HERC1: variants seen among roughly 807,000 people sequenced by gnomAD.
HERC1 encodes the protein probable E3 ubiquitin-protein ligase HERC1.
Under a neutral mutation model 554.3 loss-of-function variants are expected in HERC1, and 160 were observed. That is an observed-to-expected ratio of 0.29 (90% CI 0.25 to 0.33). HERC1 has a LOEUF of 0.33. HERC1 is among the 10% of genes least tolerant of loss of function. The pLI is 1.00. For missense variants in HERC1, 4,919 were observed against 5,918.5 expected, an observed-to-expected ratio of 0.83 and a Z score of 5.54; for synonymous variants, 2,175 against 2,131.7, an observed-to-expected ratio of 1.02 and a Z score of -0.56.
At chr15:63,757,752 C>T (rs925604136) in intron 4 of HERC1, among the ~76,000 whole-genome samples, 1 of 152,132 alleles carries the variant, frequency 6.6e-6, no homozygotes, top group African/African-American at 2.4e-5. Context: ...CTCTGTCACC[C>T]AGGCTGGAAT....
intron 1 of HERC1, among the ~76,000 whole-genome samples, chr15:63,780,942 T>C (rs1012464663): frequency 6.6e-6 from 1 of 152,212 alleles, no homozygotes; most frequent in Non-Finnish European, 1.5e-5. Flanking sequence ...ATAAATCTAA[T>C]AAGTAAATCA....
intron 34 of HERC1, 25 bp downstream of exon 34, chr15:63,686,333 TA>T: frequency 1.3e-6 from 2 of 1,540,056 alleles, no homozygotes; most frequent in Non-Finnish European, 1.7e-6. Flanking sequence ...GACAAAATGC[TA>T]AAAACTATTA....
At chr15:63,767,183 A>G (rs2075808031) in intron 2 of HERC1, among the ~76,000 whole-genome samples, 1 of 150,932 alleles carries the variant, frequency 6.6e-6, no homozygotes, top group Non-Finnish European at 1.5e-5. Flanking sequence ...TTGTATTTTT[A>G]GTAGAGACAG....
chr15:63,693,536 G>A (rs752666760), intron 30 of HERC1, among the ~76,000 whole-genome samples: 1 of 152,148 alleles, frequency 6.6e-6, no homozygotes, highest in Non-Finnish European at 1.5e-5. Context: ...GAGCCACTGC[G>A]CCTGGCCTGG....
intron 69 of HERC1, among the ~76,000 whole-genome samples, chr15:63,629,440 G>A (rs1566953320): frequency 1.3e-5 from 2 of 152,122 alleles, no homozygotes; most frequent in Admixed American, 6.5e-5. Context: ...AATGATCTAT[G>A]GAGCTTTTAC....
intron 7 of HERC1, among the ~76,000 whole-genome samples, chr15:63,754,040 G>A (rs2075338241): frequency 1.3e-5 from 2 of 152,174 alleles, no homozygotes; most frequent in Non-Finnish European, 2.9e-5. Flanking sequence ...CAGGCATGGT[G>A]GTGCATGCCT....
intron 1 of HERC1, among the ~76,000 whole-genome samples, chr15:63,807,907 G>C (rs780850415): frequency 2.0e-5 from 3 of 148,854 alleles, no homozygotes; most frequent in East Asian, 3.9e-4. Flanking sequence ...AATTAAACCT[G>C]CTTGAACAAC....
Position 63,775,248 on chromosome 15 carries a change from T to C in HERC1, c.376A>G (p.Lys126Glu). The C allele has an allele frequency of 6.2e-7, 1 of 1,614,062 alleles. No homozygotes were observed. The highest frequency in any genetic ancestry group is 1.1e-5 in the South Asian group (1 of 91,080). Reference sequence around the variant, plus strand: ...GGAGAATGCTGCTGCTGCTTCACCTTGCCTTTGTCATGGTATTTATTAGAA... The same window carrying C: ...GGAGAATGCTGCTGCTGCTTCACCTCGCCTTTGTCATGGTATTTATTAGAA... ...ALSNKYHDKG[K>E]VKQQQHSPES... Residue 126 changes from lysine (K) to glutamate (E), a missense_variant, in exon 2 of 78, where the codon AAG (lysine) becomes GAG (glutamate). Lys to Glu is a moderately conservative substitution (Grantham distance 56). Coordinates refer to ENST00000443617, the MANE Select transcript of HERC1 (RefSeq NM_003922.4). This position sits in a 1 kb window ranked among gnomAD's most constrained non-coding sequence, Gnocchi z 4.0.
intron 1 of HERC1, among the ~76,000 whole-genome samples, chr15:63,810,935 G>T (rs1441153708): frequency 2.0e-5 from 3 of 152,098 alleles, no homozygotes; most frequent in African/African-American, 7.2e-5. Flanking sequence ...ACTTGAATAT[G>T]TGATATTAAA....
At chr15:63,665,072 G>T (rs887358792) in intron 42 of HERC1, among the ~76,000 whole-genome samples, 1 of 152,060 alleles carries the variant, frequency 6.6e-6, no homozygotes, top group African/African-American at 2.4e-5. Context: ...CATAAGAAGT[G>T]ATGAAGGAAA....
chr15:63,641,061 T>C (rs1456329638), intron 60 of HERC1, among the ~76,000 whole-genome samples: 1 of 152,190 alleles, frequency 6.6e-6, no homozygotes, highest in African/African-American at 2.4e-5. Context: ...CACAAAGATT[T>C]ATCTAATAAG....
chr15:63,676,130 G>T (rs892200399), intron 37 of HERC1, among the ~76,000 whole-genome samples: 2 of 152,082 alleles, frequency 1.3e-5, no homozygotes, highest in African/African-American at 4.8e-5. Flanking sequence ...TCAAACTCCT[G>T]ACCTCAGGTG....
At chr15:63,681,090 T>G (rs2071453171) in intron 34 of HERC1, among the ~76,000 whole-genome samples, 1 of 152,226 alleles carries the variant, frequency 6.6e-6, no homozygotes, top group Non-Finnish European at 1.5e-5. Context: ...AAAACTTTAA[T>G]TCTTTACATA....
intron 24 of HERC1, among the ~76,000 whole-genome samples, chr15:63,710,544 T>C (rs1299341578): frequency 6.6e-6 from 1 of 152,172 alleles, no homozygotes; most frequent in Admixed American, 6.5e-5. Flanking sequence ...AAAATTCCTG[T>C]CCTTAAAGAG....
chr15:63,714,419 G>A (rs888449170), intron 22 of HERC1, among the ~76,000 whole-genome samples: 2 of 152,104 alleles, frequency 1.3e-5, no homozygotes, highest in South Asian at 4.1e-4. Flanking sequence ...ATACCCATCT[G>A]ATGCCAGCCT....
intron 1 of HERC1, among the ~76,000 whole-genome samples, chr15:63,785,806 G>C (rs1037104626): frequency 6.6e-6 from 1 of 151,916 alleles, no homozygotes; most frequent in Non-Finnish European, 1.5e-5. Flanking sequence ...GGAAGGGGAA[G>C]GGAAGGGAAA....
chr15:63,643,099 T>C (rs766674939), intron 58 of HERC1, 41 bp from the exon 59 acceptor site: 37 of 1,187,200 alleles, frequency 3.1e-5, no homozygotes, highest in Non-Finnish European at 4.5e-5. Context: ...CATTGAACTG[T>C]AGGTATAATT....
chr15:63,657,773 G>A (rs1354647014), intron 48 of HERC1, among the ~76,000 whole-genome samples: 2 of 151,808 alleles, frequency 1.3e-5, no homozygotes, highest in Admixed American at 6.6e-5. Context: ...TTTATATTTA[G>A]ATCTAATAGC....
At chr15:63,774,587 T>A (rs894965119) in intron 2 of HERC1, 107 bp downstream of exon 2, 7 of 809,568 alleles carry the variant, frequency 8.6e-6, no homozygotes, top group Non-Finnish European at 1.4e-5. Flanking sequence ...AACTCAACAA[T>A]CACCAAAAGT....
Sources: allele counts gnomAD v4.1 joint callset (sites outside exome capture counted in the v4.1 genomes callset), GRCh38; gene constraint gnomAD v4.1.1; non-coding constraint Gnocchi (gnomAD v3.1); transcripts MANE v1.5; gene names NCBI Gene and HGNC (gene_info 2026-07-23, HGNC 2026-07-21).